The following PDS5B variants were observed in gnomAD, a reference collection of about 807,000 sequenced individuals.
PDS5B encodes the protein sister chromatid cohesion protein PDS5 homolog B.
PDS5B carries 51 observed loss-of-function variants against 184.1 expected under a neutral mutation model. That is an observed-to-expected ratio of 0.28 (90% CI 0.22 to 0.35). The LOEUF (loss-of-function observed/expected upper bound fraction) is 0.35, where lower values mean the gene tolerates loss of function less well. PDS5B is among the 10% of genes least tolerant of loss of function. PDS5B has a pLI of 1.00. For missense variants in PDS5B, 1,180 were observed against 1,723.3 expected (o/e 0.68, Z 5.58); for synonymous variants, 566 against 569.2 (o/e 0.99, Z 0.08).
chr13:32,774,703 T>C (rs557656571), intron 34 of PDS5B, among the ~76,000 whole-genome samples: 68 of 152,342 alleles, frequency 4.5e-4, no homozygotes, highest in Non-Finnish European at 7.2e-4. Context: ...GAAAGATGAT[T>C]AATCTGTTTG....
chr13:32,688,858 C>G, intron 13 of PDS5B: 1 of 338,864 alleles, frequency 3.0e-6, no homozygotes, highest in Non-Finnish European at 5.5e-6. Context: ...TGTACCTATT[C>G]TTTTTTATTT....
chr13:32,675,750 A>AT, intron 8 of PDS5B, 94 bp from the exon 9 acceptor site: 2 of 642,364 alleles, frequency 3.1e-6, no homozygotes, highest in South Asian at 4.6e-5. Flanking sequence ...TTTCTGTGGA[A>AT]TTGGAGCATC....
intron 17 of PDS5B, among the ~76,000 whole-genome samples, chr13:32,704,283 C>G (rs985194980): frequency 6.6e-6 from 1 of 152,118 alleles, no homozygotes; most frequent in Non-Finnish European, 1.5e-5. Context: ...ATTCTCCTGC[C>G]TCAGCCTTAC....
chr13:32,655,374 A>ATATATATATTTTTTTT, intron 3 of PDS5B, among the ~76,000 whole-genome samples: 2 of 72,466 alleles, frequency 2.8e-5, no homozygotes, highest in African/African-American at 1.7e-4. Flanking sequence ...ATATATATAT[A>ATATATATATTTTTTTT]TTTTTTTTTT....
rs892869982 is a variant in PDS5B, at chr13:32,667,824, A to G, written c.685A>G (p.Ile229Val). The G allele has an allele frequency of 1.3e-6, 2 of 1,578,210 alleles. No homozygotes were observed. The highest frequency in any genetic ancestry group is 1.4e-5 in the African/African-American group (1 of 73,534). ...KALLKRTAQA[I>V]EPYITNFFNQ... ...TTTACTGAAGAGGACAGCTCAAGCT[A>G]TTGAGCCATATATTACCAATGTAAG... Residue 229 changes from isoleucine to valine, a missense_variant, in exon 7 of 35, where the codon ATT becomes GTT. Physicochemically the swap from Ile to Val is conservative, Grantham distance 29. Transcript: ENST00000315596.
At chr13:32,765,941 G>A (rs1049065447) in intron 31 of PDS5B, among the ~76,000 whole-genome samples, 1 of 152,200 alleles carries the variant, frequency 6.6e-6, no homozygotes. Context: ...TTCTAACTAT[G>A]TATACTGTAA....
intron 6 of PDS5B, among the ~76,000 whole-genome samples, chr13:32,661,240 C>G (rs1206779844): frequency 6.6e-6 from 1 of 151,490 alleles, no homozygotes; most frequent in Non-Finnish European, 1.5e-5. Context: ...AAAAATTAGC[C>G]AGGCGTGGCA....
At chr13:32,756,516 G>T (rs1954186365) in intron 26 of PDS5B, among the ~76,000 whole-genome samples, 1 of 152,112 alleles carries the variant, frequency 6.6e-6, no homozygotes, top group Non-Finnish European at 1.5e-5. Flanking sequence ...TACATGCCTG[G>T]GTGGGGAATA....
chr13:32,627,888 TAGTG>T (rs1417098984), intron 1 of PDS5B, among the ~76,000 whole-genome samples: 1 of 152,034 alleles, frequency 6.6e-6, no homozygotes, highest in Non-Finnish European at 1.5e-5. Context: ...AAAGAGAAGT[TAGTG>T]GGGAGAAGGA....
intron 19 of PDS5B, among the ~76,000 whole-genome samples, chr13:32,722,103 C>G (rs1484541275): frequency 6.6e-6 from 1 of 152,228 alleles, no homozygotes; most frequent in African/African-American, 2.4e-5. Flanking sequence ...GTCTGCAATC[C>G]CGGCACCTTG....
chr13:32,724,743 C>A (rs1341048563), intron 19 of PDS5B, among the ~76,000 whole-genome samples: 1 of 152,078 alleles, frequency 6.6e-6, no homozygotes, highest in Non-Finnish European at 1.5e-5. Flanking sequence ...CCATGCCTGG[C>A]TAATTTTTAT....
chr13:32,776,606 A>G lies in PDS5B; in HGVS notation c.*1554A>G, dbSNP rs1954965629. The G allele has an allele frequency of 6.6e-6, 1 of 152,152 alleles. No individual in the cohort carries two copies. The highest frequency in any genetic ancestry group is 2.4e-5 in the African/African-American group (1 of 41,434). 9.4% of individuals were successfully genotyped at this position (152,152 alleles called of 1,614,324 possible). On this transcript the variant is annotated 3_prime_UTR_variant, in exon 35 of 35. Coordinates refer to ENST00000315596, the MANE Select transcript of PDS5B (RefSeq NM_015032.4). ...TCATGGTTAACACCAGAGGGGAAAA[A>G]ATCATATTCTAACTTATTAAATTTA...
intron 19 of PDS5B, among the ~76,000 whole-genome samples, chr13:32,720,223 A>G (rs1012857254): frequency 6.6e-6 from 1 of 152,206 alleles, no homozygotes; most frequent in African/African-American, 2.4e-5. Flanking sequence ...TCATGAAAAG[A>G]TGCTTATGTA....
intron 13 of PDS5B, 176 bp downstream of exon 13, chr13:32,688,745 A>C (rs933882065): frequency 1.7e-5 from 9 of 529,488 alleles, no homozygotes; most frequent in Non-Finnish European, 3.0e-5. Flanking sequence ...TTTAAACATG[A>C]GACTAAGCCA....
At position 32,701,356 on chromosome 13, in the gene PDS5B, C is replaced by G. The variant is rs1375794456; in HGVS notation, c.1774C>G (p.Gln592Glu). 2 of 1,612,404 alleles carry G rather than the reference C, an allele frequency of 1.2e-6. No homozygotes were observed. The highest frequency in any genetic ancestry group is 1.7e-6 in the Non-Finnish European group (2 of 1,178,690). The stretch of plus-strand genomic sequence containing the variant: ...AACTAAGAAGTTGGGCAACCCCAAA[C>G]AGCCTACAAATCCTTTCCTGGAAAT... Reference protein sequence around the residue: ...EITKKLGNPKQPTNPFLEMIK... With the variant: ...EITKKLGNPKEPTNPFLEMIK... The change falls in exon 17 of 35, where the codon CAG (glutamine) becomes GAG (glutamate). Residue 592 changes from glutamine (Q) to glutamate (E), a missense_variant. Gln to Glu is a conservative substitution (Grantham distance 29). Coordinates refer to ENST00000315596, the MANE Select transcript of PDS5B (RefSeq NM_015032.4).
chr13:32,727,191 A>G (rs567534495), intron 19 of PDS5B, among the ~76,000 whole-genome samples: 2 of 152,318 alleles, frequency 1.3e-5, no homozygotes, highest in South Asian at 4.1e-4. Context: ...TGGTTTATCT[A>G]CATCCAATAA....
chr13:32,764,389 A>G, intron 30 of PDS5B, 100 bp from the exon 31 acceptor site: 1 of 587,842 alleles, frequency 1.7e-6, no homozygotes, highest in Non-Finnish European at 2.7e-6. Context: ...TTTGAAAAGA[A>G]CGAAATTTTT....
intron 1 of PDS5B, among the ~76,000 whole-genome samples, chr13:32,629,652 G>A (rs1464968540): frequency 1.3e-5 from 2 of 152,064 alleles, no homozygotes; most frequent in Non-Finnish European, 2.9e-5. Context: ...TTCATCTTAT[G>A]CCCTTTGATT....
chr13:32,597,830 C>G (rs933658138), intron 1 of PDS5B, among the ~76,000 whole-genome samples: 1 of 147,552 alleles, frequency 6.8e-6, no homozygotes, highest in African/African-American at 2.5e-5. Context: ...CTGGCGACAG[C>G]GAGACTCTGT....
Sources: allele counts gnomAD v4.1 joint callset (sites outside exome capture counted in the v4.1 genomes callset), GRCh38; gene constraint gnomAD v4.1.1; transcripts MANE v1.5; gene names NCBI Gene and HGNC (gene_info 2026-07-23, HGNC 2026-07-21).